Variants in MED12L observed in about 807,000 individuals in gnomAD.
The protein encoded by MED12L is mediator complex subunit 12L, also known as mediator of RNA polymerase II transcription subunit 12-like protein.
In MED12L, 60 loss-of-function variants were observed where a neutral mutation model predicts 281.3. The observed-to-expected ratio is 0.21, with a 90% CI of 0.17 to 0.26. The LOEUF (loss-of-function observed/expected upper bound fraction) is 0.26. MED12L is among the 10% of genes least tolerant of loss of function. The pLI is 1.00. For missense variants in MED12L, 2,146 were observed against 2,680.9 expected, an observed-to-expected ratio of 0.80 and a Z score of 4.41; for synonymous variants, 974 against 987.2, an observed-to-expected ratio of 0.99 and a Z score of 0.25.
chr3:151,136,038 C>T (rs1055395627), intron 5 of MED12L, among the ~76,000 whole-genome samples: 1 of 152,036 alleles, frequency 6.6e-6, no homozygotes, highest in Non-Finnish European at 1.5e-5. Context: ...CTCTGTTTAC[C>T]CCTAGTCATT....
At chr3:151,241,054 C>T (rs567937318) in intron 16 of MED12L, among the ~76,000 whole-genome samples, 22 of 152,160 alleles carry the variant, frequency 1.4e-4, no homozygotes, top group African/African-American at 4.3e-4. Context: ...GCTTTAAAAA[C>T]GGGGGACTAT....
chr3:151,166,176 C>T (rs932574943), intron 11 of MED12L, among the ~76,000 whole-genome samples, 194 bp downstream of exon 11: 2 of 152,126 alleles, frequency 1.3e-5, no homozygotes, highest in Non-Finnish European at 2.9e-5. Context: ...TGGGGCTTAT[C>T]TACCTAGGAA....
intron 2 of MED12L, among the ~76,000 whole-genome samples, chr3:151,105,296 T>C (rs1721874435): frequency 1.3e-5 from 2 of 152,206 alleles, no homozygotes; most frequent in African/African-American, 4.8e-5. Flanking sequence ...TCTCACATCT[T>C]AGATCTCCTA....
chr3:151,298,329 A>G (rs1333643312), intron 16 of MED12L, among the ~76,000 whole-genome samples: 1 of 152,208 alleles, frequency 6.6e-6, no homozygotes, highest in Non-Finnish European at 1.5e-5. Flanking sequence ...CCAAGTTAGG[A>G]AACATCTTTA....
intron 21 of MED12L, 55 bp downstream of exon 21, chr3:151,360,660 T>A: frequency 6.7e-7 from 1 of 1,489,722 alleles, no homozygotes. Flanking sequence ...TGTTTGTTAG[T>A]GACCCTGACA....
intron 20 of MED12L, among the ~76,000 whole-genome samples, chr3:151,358,569 G>GTTTTTGT (rs1321988310): frequency 1.9e-4 from 29 of 150,640 alleles, no homozygotes; most frequent in Admixed American, 9.9e-4. Flanking sequence ...AAGTTTTTTT[G>GTTTTTGT]TTTTTGTTTT....
chr3:151,419,963 G>A (rs1718054207), intron 43 of MED12L, among the ~76,000 whole-genome samples: 2 of 152,180 alleles, frequency 1.3e-5, no homozygotes, highest in Admixed American at 6.5e-5. Flanking sequence ...CCACTGTCAC[G>A]TGGTCATAGC....
At chr3:151,417,179 A>G (rs1435791192) in intron 43 of MED12L, among the ~76,000 whole-genome samples, 2 of 152,236 alleles carry the variant, frequency 1.3e-5, no homozygotes, top group Non-Finnish European at 2.9e-5. Context: ...AGTGATGTGA[A>G]TTGCATGAAT....
At chr3:151,204,237 GA>G (rs1212138640) in intron 16 of MED12L, among the ~76,000 whole-genome samples, 3 of 151,938 alleles carry the variant, frequency 2.0e-5, no homozygotes, top group Admixed American at 1.3e-4. Context: ...TTCTGGATAA[GA>G]AAAAAGAAGA....
At chr3:151,370,682 TAATA>T (rs1756066280) in intron 26 of MED12L, among the ~76,000 whole-genome samples, 1 of 152,206 alleles carries the variant, frequency 6.6e-6, no homozygotes, top group African/African-American at 2.4e-5. Flanking sequence ...CGGTTCTACT[TAATA>T]AATAAATGTA....
intron 38 of MED12L, 74 bp from the exon 39 acceptor site, chr3:151,394,582 C>A: frequency 6.3e-7 from 1 of 1,582,350 alleles, no homozygotes; most frequent in Non-Finnish European, 8.6e-7. Flanking sequence ...GGTGAAATTT[C>A]TGTGTTTTGA....
chr3:151,335,992 C>T (rs1050514449), intron 16 of MED12L, among the ~76,000 whole-genome samples: 2 of 152,292 alleles, frequency 1.3e-5, no homozygotes, highest in South Asian at 2.1e-4. Context: ...CCTCTGTAGT[C>T]TCCGAACATC....
intron 16 of MED12L, among the ~76,000 whole-genome samples, chr3:151,224,564 T>C (rs1355492773): frequency 6.6e-6 from 1 of 152,196 alleles, no homozygotes; most frequent in African/African-American, 2.4e-5. Context: ...CAAATAACTG[T>C]CTCATCTGTG....
At chr3:151,412,636 TAATA>T (rs781353922) in intron 41 of MED12L, among the ~76,000 whole-genome samples, 38 of 152,348 alleles carry the variant, frequency 2.5e-4, no homozygotes, top group Middle Eastern at 3.4e-3. Flanking sequence ...ACAATTTTTA[TAATA>T]AATAGCAGCA....
At chr3:151,380,523 G>A (rs1712083212) in intron 32 of MED12L, among the ~76,000 whole-genome samples, 1 of 151,592 alleles carries the variant, frequency 6.6e-6, no homozygotes, top group South Asian at 2.1e-4. Flanking sequence ...CTTGAACCTG[G>A]GAGGCAGAGG....
At chr3:151,216,515 G>T (rs537822409) in intron 16 of MED12L, among the ~76,000 whole-genome samples, 12 of 152,276 alleles carry the variant, frequency 7.9e-5, no homozygotes, top group Non-Finnish European at 1.0e-4. Context: ...TTGTTTCTGC[G>T]TATTTTCCTT....
chr3:151,402,294 C>T (rs1033148362), intron 39 of MED12L, among the ~76,000 whole-genome samples: 2 of 152,116 alleles, frequency 1.3e-5, no homozygotes, highest in Non-Finnish European at 2.9e-5. Context: ...TAGAAAGGGA[C>T]TCATTTAGTT....
chr3:151,157,840 A>C (rs908340321), intron 6 of MED12L, among the ~76,000 whole-genome samples: 1 of 152,206 alleles, frequency 6.6e-6, no homozygotes, highest in Admixed American at 6.5e-5. Flanking sequence ...TGAACTACTA[A>C]GTTTGTTACC....
chr3:151,152,363 A>G (rs762414524), intron 5 of MED12L, among the ~76,000 whole-genome samples: 2 of 151,904 alleles, frequency 1.3e-5, no homozygotes, highest in Non-Finnish European at 2.9e-5. Context: ...CAGCCTCCCA[A>G]AGTGTTGGGA....
Sources: gnomAD v4.1 joint callset for allele counts (sites outside exome capture counted in the v4.1 genomes callset) on GRCh38, gnomAD v4.1.1 for gene constraint, MANE v1.5 for transcripts, NCBI Gene and HGNC (gene_info 2026-07-23, HGNC 2026-07-21) for gene names.